Variants in KATNB1 observed in about 807,000 individuals in gnomAD.
The protein encoded by KATNB1 is katanin regulatory subunit B1, also known as katanin p80 WD40 repeat-containing subunit B1.
Under a neutral mutation model 82.3 loss-of-function variants are expected in KATNB1, and 38 were observed. The observed-to-expected ratio is 0.46, with a 90% CI of 0.36 to 0.61. The LOEUF is 0.61. KATNB1 is among the 20% of genes least tolerant of loss of function. KATNB1 has a pLI of 0.00. For missense variants in KATNB1, 749 were observed against 915.7 expected (o/e 0.82, Z 2.35); for synonymous variants, 361 against 368.7 (o/e 0.98, Z 0.24).
rs1385269135 is a variant in KATNB1 at position 57,756,161 on chromosome 16, G to A, written c.1718+95G>A. 7 of 1,404,636 alleles carry A rather than the reference G, an allele frequency of 5.0e-6. No individual in the cohort carries two copies. In the Middle Eastern group the frequency reaches 7.1e-4, roughly 143 times the overall value. 87.0% of individuals were successfully genotyped at this position (1,404,636 alleles called of 1,614,324 possible). On this transcript the variant is annotated intron_variant, in intron 18 of 19. Coordinates refer to ENST00000379661, the MANE Select transcript of KATNB1 (RefSeq NM_005886.3). Reference sequence around the variant, plus strand: ...ATGGGAAGGACCCCCAAGAGCCTGGGTGTTCCTGTGAGCTGGCTGTGAAGC... The same window carrying A: ...ATGGGAAGGACCCCCAAGAGCCTGGATGTTCCTGTGAGCTGGCTGTGAAGC...
At chr16:57,752,466 C>T in intron 8 of KATNB1, 64 bp from the exon 9 acceptor site, 1 of 1,447,188 alleles carries the variant, frequency 6.9e-7, no homozygotes. Flanking sequence ...AGCTGGCTTC[C>T]CAGGGACATG....
intron 2 of KATNB1, among the ~76,000 whole-genome samples, chr16:57,741,391 T>A (rs1182223766): frequency 6.6e-6 from 1 of 152,248 alleles, no homozygotes; most frequent in African/African-American, 2.4e-5. Flanking sequence ...AAAAATTGCG[T>A]ATAACTAGTC....
intron 4 of KATNB1, among the ~76,000 whole-genome samples, chr16:57,748,232 G>T (rs550756775): frequency 7.2e-4 from 110 of 152,244 alleles, no homozygotes; most frequent in Non-Finnish European, 1.4e-3. Flanking sequence ...AGCACAGCAG[G>T]TAGAGCTAAG....
At chr16:57,739,702 G>A (rs1002239222) in intron 2 of KATNB1, among the ~76,000 whole-genome samples, 2 of 152,178 alleles carry the variant, frequency 1.3e-5, no homozygotes, top group Admixed American at 1.3e-4. Flanking sequence ...TTAGAGGGGA[G>A]TGATGTGGGC....
In KATNB1 at chr16:57,756,875, A is replaced by C; in HGVS notation, c.1897A>C (p.Lys633Gln). Residue 633 changes from lysine to glutamine, a missense_variant, in exon 20 of 20, where the codon AAG (lysine) becomes CAG (glutamine). Physicochemically the swap from Lys to Gln is moderately conservative, Grantham distance 53 (BLOSUM62 1). Coordinates refer to ENST00000379661, the MANE Select transcript of KATNB1 (RefSeq NM_005886.3). ...LKSISGLVKS[K>Q]SGLSGRHGST... The stretch of plus-strand genomic sequence containing the variant: ...GAGCATCAGCGGCCTGGTCAAGAGC[A>C]AGTCAGGCCTGAGCGGCCGCCATGG... 1 of 1,563,492 alleles carries C rather than the reference A, an allele frequency of 6.4e-7. No individual in the cohort carries two copies. The highest frequency in any genetic ancestry group is 8.7e-7 in the Non-Finnish European group (1 of 1,153,646).
At chr16:57,755,799 G>C in intron 16 of KATNB1, 42 bp from the exon 17 acceptor site, 1 of 1,546,616 alleles carries the variant, frequency 6.5e-7, no homozygotes, top group East Asian at 2.3e-5. Flanking sequence ...GGGCCACACT[G>C]TCCCCCACTG....
Position 57,751,842 on chromosome 16 carries a change from G to T in KATNB1, c.517-98G>T. On this transcript the variant is annotated intron_variant, in intron 7 of 19. Transcript: ENST00000379661. This position sits in a 1 kb window ranked among gnomAD's most constrained non-coding sequence, Gnocchi z 6.3. Reference sequence around the variant, plus strand: ...ACATGTCCCAAGCCTATCCCGAGTGGAAGGTAGCTTGTGGATAAAGAGCTT... The same window carrying T: ...ACATGTCCCAAGCCTATCCCGAGTGTAAGGTAGCTTGTGGATAAAGAGCTT... 1 of 1,396,056 alleles carries T rather than the reference G, an allele frequency of 7.2e-7. No individual in the cohort carries two copies. 86.5% of individuals were successfully genotyped at this position (1,396,056 alleles called of 1,614,324 possible).
intron 4 of KATNB1, among the ~76,000 whole-genome samples, chr16:57,748,782 C>T (rs919965603): frequency 7.9e-5 from 12 of 152,248 alleles, no homozygotes; most frequent in Admixed American, 2.0e-4. Context: ...GGGGATCCCA[C>T]GGGATCTCAC....
At chr16:57,740,429 C>T (rs1427857892) in intron 2 of KATNB1, among the ~76,000 whole-genome samples, 1 of 152,232 alleles carries the variant, frequency 6.6e-6, no homozygotes, top group Non-Finnish European at 1.5e-5. Flanking sequence ...GGTCTGAAGC[C>T]CGCAGCAGAG....
chr16:57,745,741 C>G (rs1363660673), intron 4 of KATNB1, among the ~76,000 whole-genome samples: 1 of 152,012 alleles, frequency 6.6e-6, no homozygotes, highest in Non-Finnish European at 1.5e-5. Flanking sequence ...GTGTCATTTA[C>G]CACTGACTAT....
At chr16:57,738,273 T>TG (rs1275137272) in intron 2 of KATNB1, among the ~76,000 whole-genome samples, 11 of 151,448 alleles carry the variant, frequency 7.3e-5, no homozygotes, top group African/African-American at 1.9e-4. Flanking sequence ...TTTTTTTTTT[T>TG]TTGAGACAGA....
chr16:57,756,384 A>G lies in KATNB1; in HGVS notation c.1747A>G (p.Lys583Glu). 6.2e-7 allele frequency: 1 copy of G among 1,614,008 alleles called. No homozygotes were observed. The highest frequency in any genetic ancestry group is 8.5e-7 in the Non-Finnish European group (1 of 1,180,000). ...SYVQTGCTSL[K>E]LILQRFLPLI... ...CGTCCAGACGGGCTGCACCTCCCTG[A>G]AGCTGATCCTGCAGCGGTTTCTGCC... The change falls in exon 19 of 20, where the codon AAG becomes GAG. Residue 583 changes from lysine (K) to glutamate (E), a missense_variant. Transcript: ENST00000379661.
At chr16:57,745,419 C>T (rs797025435) in intron 4 of KATNB1, among the ~76,000 whole-genome samples, 40 of 151,014 alleles carry the variant, frequency 2.6e-4, no homozygotes, top group Non-Finnish European at 3.5e-4. Context: ...CAAAATTAGC[C>T]GGGTGTGGTG....
Position 57,744,439 on chromosome 16 carries a change from A to G in KATNB1, c.217A>G (p.Thr73Ala), listed in dbSNP as rs145567409. The change falls in exon 4 of 20, where the codon ACC (threonine) becomes GCC (alanine). Residue 73 changes from threonine (T) to alanine (A), a missense_variant. By Grantham distance (58) the Thr-to-Ala change is moderately conservative. This residue lies in a region of KATNB1 where 247 missense variants were observed against 349.4 expected (regional missense o/e 0.71). Transcript: ENST00000379661. ...CCCAGTGGAGAGCGTCCGCCTCAAC[A>G]CCCCCGAGGAGCTCATCGTGGCCGG... ...TSPVESVRLNTPEELIVAGSQ... is the reference protein window; with the variant it reads ...TSPVESVRLNAPEELIVAGSQ... The G allele has an allele frequency of 3.1e-4, 502 of 1,613,414 alleles. 1 individual carries two copies. In the African/African-American group the frequency reaches 6.0e-3, roughly 19 times the overall value.
At chr16:57,748,511 C>T (rs974079699) in intron 4 of KATNB1, among the ~76,000 whole-genome samples, 26 of 150,046 alleles carry the variant, frequency 1.7e-4, no homozygotes, top group African/African-American at 4.7e-4. Flanking sequence ...TGCCTCATAT[C>T]GGTTGCCTTG....
At position 57,753,839 on chromosome 16, in the gene KATNB1, C is replaced by T. The variant is rs1300921929; in HGVS notation, c.1178-106C>T. The T allele has an allele frequency of 1.1e-5, 12 of 1,055,482 alleles. No homozygotes were observed. In the East Asian group the frequency reaches 1.2e-4, roughly 11 times the overall value. 65.4% of individuals were successfully genotyped at this position (1,055,482 alleles called of 1,614,324 possible). A position where few individuals can be genotyped will look rare whatever the true frequency, so the allele number is the denominator to read the frequency against. ...AGGAGCAGGGTCCACAGTCTGCAGC[C>T]GCATGCCTGGGAGCTACCCTCCGTC... On this transcript the variant is annotated intron_variant, in intron 12 of 19. Transcript: ENST00000379661.
In KATNB1 at chr16:57,754,113, C is replaced by T. The variant is rs112440707; in HGVS notation, c.1228+118C>T. On this transcript the variant is annotated intron_variant, in intron 13 of 19. Coordinates refer to ENST00000379661, the MANE Select transcript of KATNB1 (RefSeq NM_005886.3). ...AGGACCCTCCCCTCTCAGGACACGACCCACACCCTCTCCCGCTGGGTCTCT... is the reference window on the plus strand; with the variant it reads ...AGGACCCTCCCCTCTCAGGACACGATCCACACCCTCTCCCGCTGGGTCTCT... 12 of 826,906 alleles carry T rather than the reference C, an allele frequency of 1.5e-5. No homozygotes were observed. In the African/African-American group the frequency reaches 1.5e-4, roughly 10 times the overall value. 51.2% of individuals were successfully genotyped at this position (826,906 alleles called of 1,614,324 possible). A position where few individuals can be genotyped will look rare whatever the true frequency, so the allele number is the denominator to read the frequency against.
chr16:57,739,422 G>A (rs536799137), intron 2 of KATNB1, among the ~76,000 whole-genome samples: 3 of 152,302 alleles, frequency 2.0e-5, no homozygotes, highest in South Asian at 4.1e-4. Context: ...CTCTGGCCAC[G>A]CCGCACCATG....
In KATNB1 at chr16:57,751,021, C is replaced by T; in HGVS notation, c.390+94C>T. On this transcript the variant is annotated intron_variant, in intron 5 of 19. Coordinates refer to ENST00000379661, the MANE Select transcript of KATNB1 (RefSeq NM_005886.3). This position sits in a 1 kb window ranked among gnomAD's most constrained non-coding sequence, Gnocchi z 6.3. ...AGTGCTGGATGCCTGCTGAGGGGACCTCTTCCCTTTCTGCAGCCACATCCA... is the reference window on the plus strand; with the variant it reads ...AGTGCTGGATGCCTGCTGAGGGGACTTCTTCCCTTTCTGCAGCCACATCCA... 2 of 1,061,812 alleles carry T rather than the reference C, an allele frequency of 1.9e-6. No homozygotes were observed. Among genetic ancestry groups the T allele is most frequent in the Non-Finnish European group, 2.9e-6 (2 of 688,610 alleles). 65.8% of individuals were successfully genotyped at this position (1,061,812 alleles called of 1,614,324 possible).
Sources: allele counts gnomAD v4.1 joint callset (sites outside exome capture counted in the v4.1 genomes callset), GRCh38; gene constraint gnomAD v4.1.1; regional missense constraint gnomAD v4.1.1; non-coding constraint Gnocchi (gnomAD v3.1); transcripts MANE v1.5; gene names NCBI Gene and HGNC (gene_info 2026-07-23, HGNC 2026-07-21).